NLGN1: variants seen among roughly 807,000 people sequenced by gnomAD.
NLGN1 encodes the protein neuroligin 1, also known as neuroligin-1.
Under a neutral mutation model 65.5 loss-of-function variants are expected in NLGN1, and 12 were observed. The observed-to-expected ratio is 0.18, with a 90% CI of 0.12 to 0.30. The LOEUF (loss-of-function observed/expected upper bound fraction) is 0.30, where lower values mean the gene tolerates loss of function less well. NLGN1 is among the 10% of genes least tolerant of loss of function. NLGN1 has a pLI of 1.00. For synonymous variants in NLGN1, 350 were observed against 359.5 expected (o/e 0.97, Z 0.30); for missense variants, 750 against 1,007.1 (o/e 0.74, Z 3.46).
At chr3:173,409,627 A>G (rs1052432610) in intron 1 of NLGN1, among the ~76,000 whole-genome samples, 9 of 152,132 alleles carry the variant, frequency 5.9e-5, no homozygotes, top group Admixed American at 2.6e-4. Context: ...CGTCTCTTAC[A>G]TGGCATCCTT....
intron 3 of NLGN1, among the ~76,000 whole-genome samples, chr3:173,684,105 T>C (rs1475164081): frequency 6.6e-6 from 1 of 152,214 alleles, no homozygotes; most frequent in African/African-American, 2.4e-5. Flanking sequence ...AAGTGTACCT[T>C]ATTTTATTTA....
intron 4 of NLGN1, among the ~76,000 whole-genome samples, chr3:174,062,008 A>G (rs1737518840): frequency 6.6e-6 from 1 of 152,122 alleles, no homozygotes; most frequent in Non-Finnish European, 1.5e-5. Context: ...ATTCCACAAG[A>G]CTAGTTTAAT....
chr3:174,248,091 A>G (rs1291452952), intron 4 of NLGN1, among the ~76,000 whole-genome samples: 1 of 152,164 alleles, frequency 6.6e-6, no homozygotes, highest in Non-Finnish European at 1.5e-5. Context: ...TCTAGCTCCA[A>G]CTTCAGATTT....
At chr3:173,796,717 T>C (rs1239248442) in intron 3 of NLGN1, among the ~76,000 whole-genome samples, 1 of 152,106 alleles carries the variant, frequency 6.6e-6, no homozygotes, top group Non-Finnish European at 1.5e-5. Flanking sequence ...TTTTGGTGCT[T>C]TGAGATATCC....
At chr3:174,274,682 G>T (rs1019197946) in intron 4 of NLGN1, among the ~76,000 whole-genome samples, 4 of 151,628 alleles carry the variant, frequency 2.6e-5, no homozygotes, top group African/African-American at 9.7e-5. Context: ...CCTCAGTTTG[G>T]CATTTAAAGT....
At chr3:174,184,120 A>G (rs1730960527) in intron 4 of NLGN1, among the ~76,000 whole-genome samples, 1 of 152,176 alleles carries the variant, frequency 6.6e-6, no homozygotes, top group African/African-American at 2.4e-5. Context: ...ATTGCTCAAT[A>G]AAGAAATACA....
rs551577460 is a variant in NLGN1, at chr3:173,718,461, G to GA, written c.494-89212dup. The stretch of plus-strand genomic sequence containing the variant: ...GACCTCCAGTTCCATCCATGTTGCT[G>GA]AAAAAAATGCCAGTCACAAATTAGT... On this transcript the variant is annotated intron_variant, in intron 3 of 6. Transcript: ENST00000457714. Among the ~76,000 whole-genome samples, 60 of 152,120 alleles carry GA rather than the reference G, an allele frequency of 3.9e-4. No individual in the cohort carries two copies. The South Asian group carries it at 0.011, about 27-fold the overall frequency.
chr3:174,122,049 C>G (rs1717886181), intron 4 of NLGN1, among the ~76,000 whole-genome samples: 1 of 152,160 alleles, frequency 6.6e-6, no homozygotes. Flanking sequence ...GTAAAGACTT[C>G]TCTTTCTGCT....
intron 4 of NLGN1, among the ~76,000 whole-genome samples, chr3:174,008,954 G>T (rs1724981930): frequency 6.6e-6 from 1 of 152,110 alleles, no homozygotes; most frequent in Non-Finnish European, 1.5e-5. Context: ...TGACATGAAA[G>T]ATACTAAATT....
At chr3:173,794,957 A>G (rs551068339) in intron 3 of NLGN1, among the ~76,000 whole-genome samples, 1 of 152,158 alleles carries the variant, frequency 6.6e-6, no homozygotes, top group South Asian at 2.1e-4. Flanking sequence ...TGACTTTAAC[A>G]TAAGATTCTC....
intron 2 of NLGN1, among the ~76,000 whole-genome samples, chr3:173,497,191 C>T (rs1424694269): frequency 6.6e-6 from 1 of 151,772 alleles, no homozygotes; most frequent in African/African-American, 2.4e-5. Flanking sequence ...CGAGACCAGC[C>T]TGGCCAATAT....
chr3:173,685,110 GA>G (rs1214948797), intron 3 of NLGN1, among the ~76,000 whole-genome samples: 1 of 152,026 alleles, frequency 6.6e-6, no homozygotes, highest in African/African-American at 2.4e-5. Flanking sequence ...TTTAATAATG[GA>G]AACTCATTTA....
chr3:173,729,108 T>G (rs1772346411), intron 3 of NLGN1, among the ~76,000 whole-genome samples: 3 of 152,006 alleles, frequency 2.0e-5, no homozygotes, highest in Non-Finnish European at 4.4e-5. Flanking sequence ...TTTGAGGGGT[T>G]TTATAAACCC....
At chr3:174,257,131 T>C (rs1745934529) in intron 4 of NLGN1, among the ~76,000 whole-genome samples, 2 of 152,072 alleles carry the variant, frequency 1.3e-5, no homozygotes. Context: ...AAGACATAAA[T>C]GCAGCCAACA....
chr3:173,553,073 C>T (rs1009452640), intron 2 of NLGN1, among the ~76,000 whole-genome samples: 2 of 152,094 alleles, frequency 1.3e-5, no homozygotes, highest in Non-Finnish European at 2.9e-5. Flanking sequence ...ATTTACGGGG[C>T]AGTGCGTTAG....
intron 2 of NLGN1, among the ~76,000 whole-genome samples, chr3:173,446,388 C>T (rs1720321908): frequency 6.6e-6 from 1 of 152,162 alleles, no homozygotes; most frequent in Admixed American, 6.5e-5. Context: ...CTACAAAGGA[C>T]ATGAACTCAT....
At chr3:173,741,798 A>G (rs1039657157) in intron 3 of NLGN1, among the ~76,000 whole-genome samples, 7 of 152,066 alleles carry the variant, frequency 4.6e-5, no homozygotes, top group Non-Finnish European at 1.0e-4. Context: ...CAACCATGCT[A>G]TATCAGCTTT....
chr3:173,829,178 G>A (rs537492064), intron 4 of NLGN1, among the ~76,000 whole-genome samples: 1 of 152,042 alleles, frequency 6.6e-6, no homozygotes, highest in Non-Finnish European at 1.5e-5. Flanking sequence ...ACTGCAAGAG[G>A]GAGCTTTCAT....
At chr3:174,125,311 G>A (rs1048300251) in intron 4 of NLGN1, among the ~76,000 whole-genome samples, 86 of 152,030 alleles carry the variant, frequency 5.7e-4, no homozygotes, top group African/African-American at 1.9e-3. Context: ...GGTTGCAGCA[G>A]GGGAAGATAA....
Sources: allele counts gnomAD v4.1 joint callset (sites outside exome capture counted in the v4.1 genomes callset), GRCh38; gene constraint gnomAD v4.1.1; transcripts MANE v1.5; gene names NCBI Gene and HGNC (gene_info 2026-07-23, HGNC 2026-07-21).